Variants in NPAS3 observed in about 807,000 individuals in gnomAD.
NPAS3 encodes the protein neuronal PAS domain protein 3, also known as neuronal PAS domain-containing protein 3.
In NPAS3, 14 loss-of-function variants were observed where a neutral mutation model predicts 73.1. That is an observed-to-expected ratio of 0.19 (90% CI 0.13 to 0.30). The LOEUF (loss-of-function observed/expected upper bound fraction) is 0.30. NPAS3 is among the 10% of genes least tolerant of loss of function. The pLI, the probability that NPAS3 is intolerant of heterozygous loss-of-function variation, is 1.00. For synonymous variants in NPAS3, 620 were observed against 541.5 expected (o/e 1.14, Z -2.01); for missense variants, 1,096 against 1,250.0 (o/e 0.88, Z 1.86).
intron 4 of NPAS3, among the ~76,000 whole-genome samples, chr14:33,538,809 A>G (rs1378020599): frequency 6.6e-6 from 1 of 152,144 alleles, no homozygotes; most frequent in Non-Finnish European, 1.5e-5. Flanking sequence ...AAGACAGCAC[A>G]AGTACTCATA....
At chr14:33,701,645 G>A (rs2060525656) in intron 6 of NPAS3, among the ~76,000 whole-genome samples, 1 of 152,202 alleles carries the variant, frequency 6.6e-6, no homozygotes, top group South Asian at 2.1e-4. Context: ...TTTAGACACA[G>A]TTCCACTCCC....
At chr14:33,422,484 T>C (rs1390187034) in intron 4 of NPAS3, among the ~76,000 whole-genome samples, 1 of 151,964 alleles carries the variant, frequency 6.6e-6, no homozygotes, top group Non-Finnish European at 1.5e-5. Context: ...CCTTACCAAT[T>C]ATACCTTCTG....
chr14:33,104,074 T>C (rs2042653050), intron 2 of NPAS3, among the ~76,000 whole-genome samples: 1 of 152,110 alleles, frequency 6.6e-6, no homozygotes. Flanking sequence ...AACTACAGAA[T>C]GCTGTAAAAA....
At chr14:33,585,180 C>G (rs1243339689) in intron 5 of NPAS3, among the ~76,000 whole-genome samples, 1 of 151,886 alleles carries the variant, frequency 6.6e-6, no homozygotes, top group Non-Finnish European at 1.5e-5. Flanking sequence ...AGCCTCTCAT[C>G]TAGAAAGATA....
chr14:33,620,864 G>T (rs2058058059), intron 5 of NPAS3, among the ~76,000 whole-genome samples: 1 of 152,060 alleles, frequency 6.6e-6, no homozygotes, highest in Non-Finnish European at 1.5e-5. Context: ...TCCAGAAAAT[G>T]GTTGGTACAT....
chr14:33,477,156 C>A (rs1349342608), intron 4 of NPAS3, among the ~76,000 whole-genome samples: 1 of 152,028 alleles, frequency 6.6e-6, no homozygotes, highest in Non-Finnish European at 1.5e-5. Context: ...ATTTCAGCTT[C>A]TTTTGTCTTT....
chr14:33,185,927 T>G (rs1701767096), intron 2 of NPAS3, among the ~76,000 whole-genome samples: 1 of 152,166 alleles, frequency 6.6e-6, no homozygotes, highest in South Asian at 2.1e-4. Context: ...AGACCTGAAG[T>G]GATTAAGAAT....
At chr14:33,379,196 C>A (rs2046434068) in intron 4 of NPAS3, among the ~76,000 whole-genome samples, 1 of 151,610 alleles carries the variant, frequency 6.6e-6, no homozygotes, top group African/African-American at 2.4e-5. Context: ...AAATACTCCT[C>A]TCACTTCTGG....
chr14:33,337,688 T>A (rs1028843017), intron 3 of NPAS3, among the ~76,000 whole-genome samples: 1 of 152,114 alleles, frequency 6.6e-6, no homozygotes, highest in Non-Finnish European at 1.5e-5. Flanking sequence ...ATTTGCTGTT[T>A]GAATACTGAG....
chr14:33,648,925 A>G (rs878989), intron 5 of NPAS3, among the ~76,000 whole-genome samples: 1 of 152,156 alleles, frequency 6.6e-6, no homozygotes, highest in Admixed American at 6.5e-5. Flanking sequence ...AGAATTCTAG[A>G]TGAACAGCAG....
At chr14:33,247,377 C>T (rs1197206127) in intron 3 of NPAS3, among the ~76,000 whole-genome samples, 1 of 152,098 alleles carries the variant, frequency 6.6e-6, no homozygotes, top group Non-Finnish European at 1.5e-5. Flanking sequence ...TTTTACATTA[C>T]TTTTTTTCTG....
At chr14:33,797,786 T>C (rs188589686) in intron 11 of NPAS3, among the ~76,000 whole-genome samples, 1 of 152,074 alleles carries the variant, frequency 6.6e-6, no homozygotes, top group East Asian at 1.9e-4. Flanking sequence ...CTGTATGTAC[T>C]ATATAGGTAT....
chr14:33,452,648 G>A (rs2049848306), intron 4 of NPAS3, among the ~76,000 whole-genome samples: 1 of 151,878 alleles, frequency 6.6e-6, no homozygotes, highest in Non-Finnish European at 1.5e-5. Flanking sequence ...GATGGCGGGT[G>A]CCTGTAGTCC....
At chr14:33,322,039 G>A (rs1010685515) in intron 3 of NPAS3, among the ~76,000 whole-genome samples, 1 of 152,130 alleles carries the variant, frequency 6.6e-6, no homozygotes, top group African/African-American at 2.4e-5. Context: ...GCCAGAGATG[G>A]GTTTGCTTTG....
chr14:33,503,900 T>G (rs1205366112), intron 4 of NPAS3, among the ~76,000 whole-genome samples: 1 of 152,040 alleles, frequency 6.6e-6, no homozygotes, highest in Non-Finnish European at 1.5e-5. Flanking sequence ...AAGAATTAAT[T>G]GCTCTGCTAA....
chr14:33,659,420 T>C (rs896061036), intron 5 of NPAS3, among the ~76,000 whole-genome samples: 5 of 152,202 alleles, frequency 3.3e-5, no homozygotes, highest in Non-Finnish European at 1.5e-5. Context: ...ACATAGCTCA[T>C]TGTGTCTATA....
intron 7 of NPAS3, among the ~76,000 whole-genome samples, chr14:33,746,238 G>C (rs1444737022): frequency 1.3e-5 from 2 of 150,350 alleles, no homozygotes; most frequent in Non-Finnish European, 2.9e-5. Flanking sequence ...GCCCAGGCTG[G>C]AGTGCAGTGG....
chr14:33,781,659 A>G (rs1373582363), intron 9 of NPAS3, among the ~76,000 whole-genome samples: 2 of 152,234 alleles, frequency 1.3e-5, no homozygotes, highest in Admixed American at 6.5e-5. Context: ...TCCTAGAGCT[A>G]TTGGCACAAT....
intron 4 of NPAS3, among the ~76,000 whole-genome samples, chr14:33,464,674 T>A (rs2050427289): frequency 6.6e-6 from 1 of 152,226 alleles, no homozygotes; most frequent in African/African-American, 2.4e-5. Flanking sequence ...ACACAAGTTG[T>A]ACAGAGCATG....
Sources: allele counts gnomAD v4.1 joint callset (sites outside exome capture counted in the v4.1 genomes callset), GRCh38; gene constraint gnomAD v4.1.1; transcripts MANE v1.5; gene names NCBI Gene and HGNC (gene_info 2026-07-23, HGNC 2026-07-21).